The following MTERF4 variants were observed in gnomAD, a reference collection of about 807,000 sequenced individuals.
MTERF4 encodes mitochondrial transcription termination factor 4, also known as transcription termination factor 4, mitochondrial.
A neutral mutation model predicts 22.5 loss-of-function variants in MTERF4; 17 were observed. That is an observed-to-expected ratio of 0.75 (90% CI 0.52 to 1.13). The LOEUF (loss-of-function observed/expected upper bound fraction) is 1.13, where lower values mean the gene tolerates loss of function less well. Ranked by LOEUF, MTERF4 falls within the 50% of genes most tolerant of loss-of-function variation. The pLI is 0.00. For synonymous variants in MTERF4, 165 were observed against 175.3 expected, an observed-to-expected ratio of 0.94 and a Z score of 0.47; for missense variants, 420 against 466.8, an observed-to-expected ratio of 0.90 and a Z score of 0.92.
chr2:241,044,036 C>T, the MTERF4 span, among the ~76,000 whole-genome samples: 1 of 151,796 alleles, frequency 6.6e-6, no homozygotes, highest in African/African-American at 2.4e-5. Flanking sequence ...ATTGTAAACC[C>T]AAAACAAGTG....
chr2:241,065,251 C>T, the MTERF4 span: 1 of 1,599,574 alleles, frequency 6.3e-7, no homozygotes, highest in Non-Finnish European at 8.5e-7. Flanking sequence ...GCATGCATAG[C>T]TAACGGCTGA....
chr2:241,098,750 T>C (rs1284080182), intron 2 of MTERF4, among the ~76,000 whole-genome samples: 1 of 148,444 alleles, frequency 6.7e-6, no homozygotes, highest in African/African-American at 2.6e-5. Context: ...TCAAATGCTA[T>C]ATGTACACAT....
chr2:241,053,198 G>A, the MTERF4 span: 26 of 1,610,790 alleles, frequency 1.6e-5, no homozygotes, highest in Middle Eastern at 1.7e-4. Flanking sequence ...GCCACACTGC[G>A]CTTCAACGGC....
downstream of MTERF4, chr2:241,094,245 C>G (rs1375661820): frequency 1.5e-5 from 7 of 464,226 alleles, no homozygotes; most frequent in Non-Finnish European, 3.1e-5. The surrounding 1 kb of genome is among the most constrained non-coding windows in gnomAD (Gnocchi z 4.3). Flanking sequence ...GAGAACCCAA[C>G]AGGCAAGGGC....
chr2:241,094,161 T>TC (rs2064231918), downstream of MTERF4: 1 of 371,926 alleles, frequency 2.7e-6, no homozygotes, highest in East Asian at 7.6e-5. The surrounding 1 kb of genome is among the most constrained non-coding windows in gnomAD (Gnocchi z 4.3). Context: ...AGACAAACTC[T>TC]CCCTTTTCCC....
At chr2:241,064,174 C>T in the MTERF4 span, 27 of 1,302,500 alleles carry the variant, frequency 2.1e-5, no homozygotes, top group East Asian at 7.9e-5. This position sits in a 1 kb window ranked among gnomAD's most constrained non-coding sequence, Gnocchi z 7.0. Flanking sequence ...GCCTGCTCCC[C>T]GCCCTCTGCC....
At chr2:241,053,075 G>C in the MTERF4 span, 2 of 1,406,752 alleles carry the variant, frequency 1.4e-6, no homozygotes, top group Non-Finnish European at 1.9e-6. Context: ...CCCTGCAGTC[G>C]GGTCGGGCAG....
At chr2:241,081,595 CAAGG>C in intron 4 of MTERF4, 1 of 1,013,522 alleles carries the variant, frequency 9.9e-7, no homozygotes, top group Non-Finnish European at 1.5e-6. Flanking sequence ...ATCAGGTCAT[CAAGG>C]AAGGGACAGC....
downstream of MTERF4, chr2:241,095,459 A>G (rs1360622753): frequency 6.4e-6 from 1 of 157,042 alleles, no homozygotes; most frequent in African/African-American, 2.4e-5. Flanking sequence ...TCTGCTGTGC[A>G]CTGAATACCA....
the MTERF4 span, among the ~76,000 whole-genome samples, chr2:241,066,519 A>C: frequency 6.6e-6 from 1 of 152,202 alleles, no homozygotes; most frequent in Non-Finnish European, 1.5e-5. Flanking sequence ...CTCTCACCCA[A>C]CATGCCTGTG....
chr2:241,090,375 T>G (rs752151927), downstream of MTERF4: 1 of 1,550,278 alleles, frequency 6.5e-7, no homozygotes, highest in Non-Finnish European at 8.7e-7. Flanking sequence ...GATGCCTTCT[T>G]CTGGAAACCT....
intron 3 of MTERF4, 168 bp downstream of exon 3, chr2:241,097,075 G>C: frequency 9.8e-6 from 7 of 711,966 alleles, no homozygotes; most frequent in Non-Finnish European, 1.6e-5. Context: ...TGAGGTGTCC[G>C]AGGCTTCTTA....
chr2:241,083,732 A>C (rs943717226), downstream of MTERF4, among the ~76,000 whole-genome samples: 1 of 152,170 alleles, frequency 6.6e-6, no homozygotes, highest in Non-Finnish European at 1.5e-5. Flanking sequence ...AAAGCATTCT[A>C]TCCTTTCACT....
At chr2:241,069,571 G>A (rs73110195), downstream of MTERF4, among the ~76,000 whole-genome samples, 148 of 152,320 alleles carry the variant, frequency 9.7e-4, no homozygotes, top group African/African-American at 3.3e-3. This position sits in a 1 kb window ranked among gnomAD's most constrained non-coding sequence, Gnocchi z 4.9. Flanking sequence ...CCTGGCATGG[G>A]AAAGGCTGGT....
At chr2:241,086,751 G>A (rs1368863572), downstream of MTERF4, among the ~76,000 whole-genome samples, 3 of 152,164 alleles carry the variant, frequency 2.0e-5, no homozygotes, top group Admixed American at 2.0e-4. Flanking sequence ...GAACTCCTTG[G>A]ATTTCCCTTT....
chr2:241,075,056 C>T lies in MTERF4; in HGVS notation n.1106G>A, dbSNP rs576551367. On this transcript the variant is annotated non_coding_transcript_exon_variant, in exon 5 of 5. Transcript: ENST00000464344. The surrounding 1 kb of genome is among the most constrained non-coding windows in gnomAD (Gnocchi z 4.8). ...TGTGTTTTCACTCCGCATTCTCGGA[C>T]TGAGGTTGGCCCATGCGGTCTGGGC... 6 of 152,324 alleles carry T rather than the reference C, an allele frequency of 3.9e-5. No homozygotes were observed. Among genetic ancestry groups the T allele is most frequent in the African/African-American group, 1.4e-4 (6 of 41,568 alleles). The allele number at this position is 152,324 out of a possible 1,614,324, so 9.4% of individuals were successfully genotyped here.
chr2:241,094,779 G>T (rs1253489482), downstream of MTERF4: 3 of 168,184 alleles, frequency 1.8e-5, no homozygotes, highest in Admixed American at 1.2e-4. This position sits in a 1 kb window ranked among gnomAD's most constrained non-coding sequence, Gnocchi z 4.3. Context: ...CAATCTACCA[G>T]ATCCTAGGAT....
At chr2:241,086,569 C>T (rs2063587411), downstream of MTERF4, among the ~76,000 whole-genome samples, 3 of 152,234 alleles carry the variant, frequency 2.0e-5, no homozygotes, top group Admixed American at 2.0e-4. Flanking sequence ...TGTTTTCTAA[C>T]ATCTGACATA....
At chr2:241,088,148 A>G, downstream of MTERF4, 1 of 550,864 alleles carries the variant, frequency 1.8e-6, no homozygotes, top group Non-Finnish European at 3.2e-6. Context: ...CCAGGTTTCT[A>G]GCCTTGTCAT....
Sources: gnomAD v4.1 joint callset for allele counts (sites outside exome capture counted in the v4.1 genomes callset) on GRCh38, gnomAD v4.1.1 for gene constraint, Gnocchi (gnomAD v3.1) non-coding constraint, MANE v1.5 for transcripts, NCBI Gene and HGNC (gene_info 2026-07-23, HGNC 2026-07-21) for gene names.